PCDHAC1: variants seen among roughly 807,000 people sequenced by gnomAD.
The protein encoded by PCDHAC1 is protocadherin alpha subfamily C, 1.
Under a neutral mutation model 60.0 loss-of-function variants are expected in PCDHAC1, and 42 were observed. The observed-to-expected ratio is 0.70, with a 90% confidence interval of 0.55 to 0.90. PCDHAC1 has a LOEUF of 0.90. Ranked by LOEUF, PCDHAC1 falls within the 40% of genes least tolerant of loss-of-function variation. The pLI, the probability that PCDHAC1 is intolerant of heterozygous loss-of-function variation, is 0.00. For synonymous variants in PCDHAC1, 468 were observed against 499.3 expected (o/e 0.94, Z 0.84); for missense variants, 1,160 against 1,222.3 (o/e 0.95, Z 0.76).
intron 1 of PCDHAC1, chr5:140,969,336 GA>G: frequency 2.5e-6 from 4 of 1,613,996 alleles, no homozygotes; most frequent in Non-Finnish European, 3.4e-6. Context: ...AATGAGGTGA[GA>G]CAGTGGTCAG....
Position 140,928,134 on chromosome 5 carries a change from G to T in PCDHAC1, c.1242G>T (p.Leu414=). ...AGCAGATCAGTGAATACCAAGTCCT[G>T]ATCACGGCCTCAGATAGTGGCTCAC... ...DREQISEYQV[L]ITASDSGSPP... The change falls in exon 1 of 4, where the codon CTG becomes CTT. Residue 414 remains leucine (L), a synonymous_variant. Transcript: ENST00000253807. The T allele has an allele frequency of 6.2e-7, 1 of 1,614,180 alleles. No individual in the cohort carries two copies. The highest frequency in any genetic ancestry group is 8.5e-7 in the Non-Finnish European group (1 of 1,180,038).
At chr5:141,007,318 A>C (rs2098314985) in intron 3 of PCDHAC1, among the ~76,000 whole-genome samples, 1 of 151,736 alleles carries the variant, frequency 6.6e-6, no homozygotes, top group South Asian at 2.1e-4. Flanking sequence ...TGGGAGGCTA[A>C]AGTGGACAGA....
chr5:140,989,197 C>T (rs2097332742), intron 3 of PCDHAC1, among the ~76,000 whole-genome samples: 1 of 152,206 alleles, frequency 6.6e-6, no homozygotes, highest in Admixed American at 6.5e-5. Context: ...ACCCTCCCTT[C>T]TAGCTTTCTT....
At chr5:140,999,138 C>G (rs530740266) in intron 3 of PCDHAC1, among the ~76,000 whole-genome samples, 1 of 152,258 alleles carries the variant, frequency 6.6e-6, no homozygotes, top group East Asian at 1.9e-4. Context: ...AATGTCACAG[C>G]CGGAAGTCTT....
intron 1 of PCDHAC1, among the ~76,000 whole-genome samples, chr5:140,958,935 G>A (rs1439446773): frequency 9.3e-6 from 1 of 107,572 alleles, no homozygotes; most frequent in African/African-American, 4.3e-5. Flanking sequence ...GCTCATACTT[G>A]TAATAATATT....
Position 140,927,906 on chromosome 5 carries a change from C to T in PCDHAC1, c.1014C>T (p.Pro338=), listed in dbSNP as rs116016831. The change falls in exon 1 of 4, where the codon CCC becomes CCT. Residue 338 remains proline (P), a synonymous_variant. Coordinates refer to ENST00000253807, the MANE Select transcript of PCDHAC1 (RefSeq NM_018898.5). ...VEVTDVNDHA[P]ELDFLTLSNP... is the part of the protein sequence containing the mutation. ...TGACTGACGTGAACGATCATGCCCC[C>T]GAACTGGACTTCCTGACTCTTTCGA... is the stretch of plus-strand genomic sequence containing the variant. 5,195 of 1,614,178 alleles carry T rather than the reference C, an allele frequency of 3.2e-3. 26 individuals are homozygous for T. The highest frequency in any genetic ancestry group is 0.019 in the African/African-American group (1,450 of 75,038).
rs2084329100 is a variant in PCDHAC1 at position 140,927,530 on chromosome 5, G to A, written c.638G>A (p.Arg213His). The A allele has an allele frequency of 1.2e-6, 2 of 1,614,080 alleles. No homozygotes were observed. Among genetic ancestry groups the A allele is most frequent in the Non-Finnish European group, 1.7e-6 (2 of 1,180,038 alleles). Residue 213 changes from arginine to histidine, a missense_variant, in exon 1 of 4, where the codon CGC (arginine) becomes CAC (histidine). By Grantham distance (29) the Arg-to-His change is conservative (BLOSUM62 0). This residue lies in a region of PCDHAC1 where 1,113 missense variants were observed against 1,163.7 expected (regional missense o/e 0.96). Transcript: ENST00000253807. ...LTARDGGLPA[R>H]SGDAQVTIIV... ...GCTCGGGACGGCGGGCTACCTGCCC[G>A]CTCAGGAGACGCACAAGTCACCATC...
intron 1 of PCDHAC1, among the ~76,000 whole-genome samples, chr5:140,974,906 T>G (rs1197306976): frequency 6.6e-6 from 1 of 152,182 alleles, no homozygotes; most frequent in Non-Finnish European, 1.5e-5. Flanking sequence ...TTGTAACAAA[T>G]TACCACAAGT....
In PCDHAC1 at chr5:141,011,172, A is replaced by G. The variant is rs377766708; in HGVS notation, c.*1235A>G. On this transcript the variant is annotated 3_prime_UTR_variant, in exon 4 of 4. Transcript: ENST00000253807. ...TCTAACCAACTATATATCAAGACCC[A>G]AAAATTGAAGAAAAATATTGTTTTC... 53 of 153,852 alleles carry G rather than the reference A, an allele frequency of 3.4e-4. No individual in the cohort carries two copies. Among genetic ancestry groups the G allele is most frequent in the African/African-American group, 1.2e-3 (51 of 41,568 alleles). 9.5% of individuals were successfully genotyped at this position (153,852 alleles called of 1,614,324 possible).
At chr5:140,968,909 G>T in intron 1 of PCDHAC1, 1 of 1,614,172 alleles carries the variant, frequency 6.2e-7, no homozygotes, top group East Asian at 2.2e-5. Flanking sequence ...ATTAAGCACA[G>T]TGTCTTTTAT....
chr5:140,959,293 C>G (rs1554223990), intron 1 of PCDHAC1, among the ~76,000 whole-genome samples: 1 of 152,088 alleles, frequency 6.6e-6, no homozygotes, highest in African/African-American at 2.4e-5. Context: ...GGGAGCATCA[C>G]TGAGCCCGGT....
At chr5:140,973,068 G>T (rs1563422416) in intron 1 of PCDHAC1, among the ~76,000 whole-genome samples, 1 of 152,140 alleles carries the variant, frequency 6.6e-6, no homozygotes, top group Non-Finnish European at 1.5e-5. Context: ...CAGTGTCTCA[G>T]TGGGCCCAGC....
rs2098421039 is a variant in PCDHAC1, at chr5:141,011,549, G to GA, written c.*1615dup. 1 of 153,674 alleles carries GA rather than the reference G, an allele frequency of 6.5e-6. No individual in the cohort carries two copies. The highest frequency in any genetic ancestry group is 1.5e-5 in the Non-Finnish European group (1 of 68,008). The allele number at this position is 153,674 out of a possible 1,614,324, so 9.5% of individuals were successfully genotyped here. A position where few individuals can be genotyped will look rare whatever the true frequency, so the allele number is the denominator to read the frequency against. Reference sequence around the variant, plus strand: ...CCATTGTTAATCAGCTTTTGTGTATGAAAGACACAGTAAAATTTCTTTCTT... The same window carrying GA: ...CCATTGTTAATCAGCTTTTGTGTATGAAAAGACACAGTAAAATTTCTTTCTT... On this transcript the variant is annotated 3_prime_UTR_variant, in exon 4 of 4. Coordinates refer to ENST00000253807, the MANE Select transcript of PCDHAC1 (RefSeq NM_018898.5).
chr5:140,956,540 G>C (rs1356910892), intron 1 of PCDHAC1, among the ~76,000 whole-genome samples: 1 of 152,186 alleles, frequency 6.6e-6, no homozygotes, highest in Non-Finnish European at 1.5e-5. Context: ...TGTGCTGCTG[G>C]ATTTGGTTTG....
chr5:140,961,694 G>A (rs1554225551), intron 1 of PCDHAC1, among the ~76,000 whole-genome samples: 2 of 152,152 alleles, frequency 1.3e-5, no homozygotes, highest in Non-Finnish European at 2.9e-5. Flanking sequence ...GTAGTCCTTA[G>A]TATGAATGCC....
At chr5:140,997,816 T>C (rs1363819907) in intron 3 of PCDHAC1, among the ~76,000 whole-genome samples, 1 of 152,232 alleles carries the variant, frequency 6.6e-6, no homozygotes, top group African/African-American at 2.4e-5. Flanking sequence ...TGTTGGTATC[T>C]ATGTTTTCTA....
Position 140,927,729 on chromosome 5 carries a change from G to C in PCDHAC1, c.837G>C (p.Glu279Asp), listed in dbSNP as rs2084563367. 1 of 1,614,098 alleles carries C rather than the reference G, an allele frequency of 6.2e-7. No homozygotes were observed. Among genetic ancestry groups the C allele is most frequent in the South Asian group, 1.1e-5 (1 of 91,096 alleles). Residue 279 changes from glutamate to aspartate, a missense_variant, in exon 1 of 4, where the codon GAG becomes GAC. This residue lies in a region of PCDHAC1 where 1,113 missense variants were observed against 1,163.7 expected (regional missense o/e 0.96). Coordinates refer to ENST00000253807, the MANE Select transcript of PCDHAC1 (RefSeq NM_018898.5). ...QYSLSNSTQA[E>D]LRHRFHVHPK... ...CCCTAAGCAACAGCACGCAAGCAGAGCTGCGACACCGCTTTCACGTGCACC... is the reference window on the plus strand; with the variant it reads ...CCCTAAGCAACAGCACGCAAGCAGACCTGCGACACCGCTTTCACGTGCACC...
chr5:140,977,665 A>G (rs1554238741), intron 1 of PCDHAC1, among the ~76,000 whole-genome samples: 1 of 152,202 alleles, frequency 6.6e-6, no homozygotes, highest in Non-Finnish European at 1.5e-5. Flanking sequence ...AATTCTCTGC[A>G]TGCCAAATAT....
intron 1 of PCDHAC1, among the ~76,000 whole-genome samples, chr5:140,959,052 A>C (rs992294371): frequency 3.3e-5 from 5 of 152,078 alleles, no homozygotes; most frequent in Admixed American, 6.6e-5. Context: ...ATAGGAAAAA[A>C]TGCAGTATAT....
Sources: allele counts gnomAD v4.1 joint callset (sites outside exome capture counted in the v4.1 genomes callset), GRCh38; gene constraint gnomAD v4.1.1; regional missense constraint gnomAD v4.1.1; transcripts MANE v1.5; gene names NCBI Gene and HGNC (gene_info 2026-07-23, HGNC 2026-07-21).